NRG2: variants seen among roughly 807,000 people sequenced by gnomAD.
The protein encoded by NRG2 is pro-neuregulin-2, membrane-bound isoform.
NRG2 carries 27 observed loss-of-function variants against 73.9 expected under a neutral mutation model. That is an observed-to-expected ratio of 0.37 (90% confidence interval 0.27 to 0.50). The LOEUF (loss-of-function observed/expected upper bound fraction) is 0.50. Ranked by LOEUF, NRG2 falls within the 20% of genes least tolerant of loss-of-function variation. The pLI is 0.96. For missense variants in NRG2, 1,126 were observed against 1,210.1 expected, an observed-to-expected ratio of 0.93 and a Z score of 1.03; for synonymous variants, 532 against 541.0, an observed-to-expected ratio of 0.98 and a Z score of 0.23.
intron 1 of NRG2, among the ~76,000 whole-genome samples, chr5:140,041,832 TGAGCAGAGCAAC>T (rs1324230445): frequency 1.3e-5 from 2 of 152,014 alleles, no homozygotes; most frequent in African/African-American, 4.8e-5. Context: ...GCGGTGTGGA[TGAGCAGAGCAAC>T]GAGCCCAGGA....
At chr5:139,957,307 CTGTGTGTGTGTGTG>C (rs70988722) in intron 1 of NRG2, among the ~76,000 whole-genome samples, 194 of 143,986 alleles carry the variant, frequency 1.3e-3, no homozygotes, top group African/African-American at 4.4e-3. Flanking sequence ...TCAAGAATCT[CTGTGTGTGTGTGTG>C]TGTGTGTGTG....
Position 140,006,351 on chromosome 5 carries a change from G to A in NRG2, c.700+36019C>T, listed in dbSNP as rs149681973. On this transcript the variant is annotated intron_variant, in intron 1 of 9. Coordinates refer to ENST00000361474, the MANE Select transcript of NRG2 (RefSeq NM_004883.3). Reference sequence around the variant, plus strand: ...TTTGGCTCTCTCCTACACTGCTGATGTCAAATGGCGTAACCATTCTGGAGG... The same window carrying A: ...TTTGGCTCTCTCCTACACTGCTGATATCAAATGGCGTAACCATTCTGGAGG... 3.3e-5 allele frequency among the ~76,000 whole-genome samples: 5 copies of A among 152,352 alleles called. No individual in the cohort carries two copies. In the East Asian group the frequency reaches 9.6e-4, roughly 29 times the overall value.
At chr5:139,970,408 G>T (rs1280382248) in intron 1 of NRG2, among the ~76,000 whole-genome samples, 1 of 151,970 alleles carries the variant, frequency 6.6e-6, no homozygotes, top group African/African-American at 2.4e-5. Flanking sequence ...GGCTTCATAG[G>T]ACCACCAAGA....
At chr5:139,962,189 C>A (rs1448436455) in intron 1 of NRG2, among the ~76,000 whole-genome samples, 1 of 152,210 alleles carries the variant, frequency 6.6e-6, no homozygotes, top group Non-Finnish European at 1.5e-5. Flanking sequence ...CAGCCCCTGA[C>A]AGTCCTCCTT....
At chr5:139,916,654 C>T (rs1458966069) in intron 1 of NRG2, among the ~76,000 whole-genome samples, 1 of 152,148 alleles carries the variant, frequency 6.6e-6, no homozygotes, top group African/African-American at 2.4e-5. Context: ...CAATCTGTGG[C>T]CTTTCTTGAC....
intron 1 of NRG2, among the ~76,000 whole-genome samples, chr5:139,943,385 T>C (rs1004618673): frequency 2.0e-5 from 3 of 152,104 alleles, no homozygotes; most frequent in Non-Finnish European, 4.4e-5. Context: ...CCTGACCTCA[T>C]GATCCACCTG....
At chr5:139,891,981 T>C (rs139409197) in intron 1 of NRG2, among the ~76,000 whole-genome samples, 51 of 152,362 alleles carry the variant, frequency 3.3e-4, no homozygotes, top group Non-Finnish European at 6.3e-4. Flanking sequence ...TTTTCTTTTA[T>C]AGCTCTTAAC....
intron 1 of NRG2, among the ~76,000 whole-genome samples, chr5:139,977,499 G>A (rs1022898916): frequency 2.0e-5 from 3 of 152,144 alleles, no homozygotes; most frequent in East Asian, 1.9e-4. Flanking sequence ...AATCAATATC[G>A]TGAAAATGGC....
At chr5:139,970,949 T>C (rs1036969642) in intron 1 of NRG2, among the ~76,000 whole-genome samples, 2 of 151,312 alleles carry the variant, frequency 1.3e-5, no homozygotes, top group African/African-American at 4.9e-5. Flanking sequence ...CAGTTTTTCT[T>C]TTTTTTTTAT....
chr5:139,904,361 TGCCGCG>T lies in NRG2; in HGVS notation c.701-16856_701-16851del. 1.3e-6 allele frequency: 2 copies of T among 1,589,242 alleles called. No individual in the cohort carries two copies. Among genetic ancestry groups the T allele is most frequent in the Non-Finnish European group, 1.7e-6 (2 of 1,176,122 alleles). ...CGCTTCCTCCCCTCTGGGTGCTTCTTGCCGCGGCCGCGGCCCCTCCTCCTGGACTCC... is the reference window on the plus strand; with the variant it reads ...CGCTTCCTCCCCTCTGGGTGCTTCTTGCCGCGGCCCCTCCTCCTGGACTCC... On this transcript the variant is annotated intron_variant, in intron 1 of 9. Coordinates refer to ENST00000361474, the MANE Select transcript of NRG2 (RefSeq NM_004883.3). The surrounding 1 kb of genome is among the most constrained non-coding windows in gnomAD (Gnocchi z 6.0).
intron 1 of NRG2, among the ~76,000 whole-genome samples, chr5:140,001,248 G>T (rs957274169): frequency 6.6e-6 from 1 of 152,168 alleles, no homozygotes; most frequent in Non-Finnish European, 1.5e-5. Context: ...AGAAGAAATC[G>T]TGTATGGCAT....
intron 1 of NRG2, among the ~76,000 whole-genome samples, chr5:140,010,141 T>C (rs527650096): frequency 3.3e-5 from 5 of 151,964 alleles, no homozygotes; most frequent in Non-Finnish European, 5.9e-5. Context: ...CTACTAAAAA[T>C]ACAAAAATTA....
At chr5:139,985,706 G>T (rs1338397786) in intron 1 of NRG2, among the ~76,000 whole-genome samples, 1 of 152,182 alleles carries the variant, frequency 6.6e-6, no homozygotes, top group Non-Finnish European at 1.5e-5. Flanking sequence ...CCCAATCTCA[G>T]GGGACAGCTT....
At position 139,851,921 on chromosome 5, in the gene NRG2, T is replaced by TC; in HGVS notation, c.1545-91dup. 1 of 1,117,886 alleles carries TC rather than the reference T, an allele frequency of 8.9e-7. No homozygotes were observed. Among genetic ancestry groups the TC allele is most frequent in the South Asian group, 1.4e-5 (1 of 71,050 alleles). 69.2% of individuals were successfully genotyped at this position (1,117,886 alleles called of 1,614,324 possible). On this transcript the variant is annotated intron_variant, in intron 8 of 9. Coordinates refer to ENST00000361474, the MANE Select transcript of NRG2 (RefSeq NM_004883.3). This position sits in a 1 kb window ranked among gnomAD's most constrained non-coding sequence, Gnocchi z 4.2. ...TCCCATGGACCTCCCTGGCTCTTCT[T>TC]CCACCTCGAGCTCCCTTAGCTCAAT...
intron 2 of NRG2, among the ~76,000 whole-genome samples, chr5:139,882,582 G>T (rs1025186425): frequency 1.1e-4 from 17 of 152,138 alleles, no homozygotes; most frequent in Admixed American, 2.6e-4. Context: ...GACTAAGACA[G>T]CATCTCTTTC....
In NRG2 at chr5:140,029,687, C is replaced by CAAAAAAAAAAAAAAAAAA. The variant is rs34122778; in HGVS notation, c.700+12682_700+12683insTTTTTTTTTTTTTTTTTT. Among the ~76,000 whole-genome samples, 95 of 61,278 alleles carry CAAAAAAAAAAAAAAAAAA rather than the reference C, an allele frequency of 1.6e-3. 1 individual carries two copies. Among genetic ancestry groups the CAAAAAAAAAAAAAAAAAA allele is most frequent in the African/African-American group, 3.1e-3 (57 of 18,460 alleles). 40.2% of individuals were successfully genotyped at this position (61,278 alleles called of 152,430 possible). ...TGGGTGACAGAGCAAGACTCTGTCT[C>CAAAAAAAAAAAAAAAAAA]AAAAAAAAAAAAAAAAGCTCCAGCG... On this transcript the variant is annotated intron_variant, in intron 1 of 9. Coordinates refer to ENST00000361474, the MANE Select transcript of NRG2 (RefSeq NM_004883.3).
At chr5:139,958,688 A>G (rs992967449) in intron 1 of NRG2, among the ~76,000 whole-genome samples, 1 of 152,208 alleles carries the variant, frequency 6.6e-6, no homozygotes, top group Admixed American at 6.5e-5. Context: ...GAAAGTCACA[A>G]ATAGTTGAAC....
intron 1 of NRG2, among the ~76,000 whole-genome samples, chr5:140,026,678 T>A (rs1760715926): frequency 6.6e-6 from 1 of 151,920 alleles, no homozygotes; most frequent in South Asian, 2.1e-4. Flanking sequence ...GCATCATGAA[T>A]GAAAAGAATT....
At chr5:139,895,376 T>C (rs1764482448) in intron 1 of NRG2, among the ~76,000 whole-genome samples, 1 of 152,240 alleles carries the variant, frequency 6.6e-6, no homozygotes, top group Admixed American at 6.5e-5. Flanking sequence ...TTGTCACCTA[T>C]GTCTGGGAGA....
Sources: allele counts gnomAD v4.1 joint callset (sites outside exome capture counted in the v4.1 genomes callset), GRCh38; gene constraint gnomAD v4.1.1; non-coding constraint Gnocchi (gnomAD v3.1); transcripts MANE v1.5; gene names NCBI Gene and HGNC (gene_info 2026-07-23, HGNC 2026-07-21).